The following FHIP1A variants were observed in gnomAD, a reference collection of about 807,000 sequenced individuals.
The protein encoded by FHIP1A is FHF complex subunit HOOK interacting protein 1A.
A neutral mutation model predicts 88.6 loss-of-function variants in FHIP1A; 61 were observed. The observed-to-expected ratio is 0.69, with a 90% CI of 0.56 to 0.85. FHIP1A has a LOEUF of 0.85. Among genes scored for constraint, FHIP1A ranks in the 40% least tolerant of loss-of-function variants. The pLI, the probability that FHIP1A is intolerant of heterozygous loss-of-function variation, is 0.00. For missense variants in FHIP1A, 1,154 were observed against 1,273.5 expected (o/e 0.91, Z 1.43); for synonymous variants, 478 against 496.0 (o/e 0.96, Z 0.48).
intron 3 of FHIP1A, among the ~76,000 whole-genome samples, chr4:151,493,909 G>A (rs962894522): frequency 2.6e-5 from 4 of 152,100 alleles, no homozygotes; most frequent in Admixed American, 6.5e-5. Context: ...CCTGAGGACC[G>A]GAACAAGACA....
intron 3 of FHIP1A, among the ~76,000 whole-genome samples, chr4:151,525,861 AG>A (rs1382086384): frequency 1.3e-5 from 2 of 151,844 alleles, no homozygotes; most frequent in Non-Finnish European, 2.9e-5. Context: ...CAGTTAAACA[AG>A]TGAACAAAGG....
chr4:151,480,579 T>C (rs1729857712), intron 2 of FHIP1A, among the ~76,000 whole-genome samples: 1 of 152,044 alleles, frequency 6.6e-6, no homozygotes, highest in Admixed American at 6.6e-5. Context: ...CTGTTACTTG[T>C]AAAACCCCTT....
At chr4:151,571,574 G>A (rs1003396852) in intron 4 of FHIP1A, among the ~76,000 whole-genome samples, 3 of 152,150 alleles carry the variant, frequency 2.0e-5, no homozygotes, top group Non-Finnish European at 2.9e-5. Context: ...AAAGTCTAGA[G>A]CATCCATGCA....
In FHIP1A at chr4:151,504,752, G is replaced by A. The variant is rs993434426; in HGVS notation, c.-123+22104G>A. On this transcript the variant is annotated intron_variant, in intron 3 of 13. Coordinates refer to ENST00000435205, the MANE Select transcript of FHIP1A (RefSeq NM_001109977.3). ...TTCACTTGCTTCAGCCTCCCAGATA[G>A]CTGGGATTACAGGCATGTGTCACCA... 6.6e-5 allele frequency among the ~76,000 whole-genome samples: 10 copies of A among 152,220 alleles called. No individual in the cohort carries two copies. In the East Asian group the frequency reaches 1.4e-3, roughly 21 times the overall value.
chr4:151,433,258 T>A (rs1229535547), intron 1 of FHIP1A, among the ~76,000 whole-genome samples: 2 of 151,068 alleles, frequency 1.3e-5, no homozygotes, highest in Admixed American at 6.7e-5. Flanking sequence ...TTGAGGAGGC[T>A]ACTGTGAAGG....
chr4:151,482,806 CTA>C (rs1352801907), intron 3 of FHIP1A, among the ~76,000 whole-genome samples, 158 bp downstream of exon 3: 1 of 151,956 alleles, frequency 6.6e-6, no homozygotes, highest in Non-Finnish European at 1.5e-5. Flanking sequence ...ACTCTATCCT[CTA>C]TGTGAAGCAT....
At chr4:151,425,354 GA>G (rs1276268269) in intron 1 of FHIP1A, among the ~76,000 whole-genome samples, 1 of 152,012 alleles carries the variant, frequency 6.6e-6, no homozygotes, top group Non-Finnish European at 1.5e-5. Context: ...GAGGGAAGAG[GA>G]ACTATTATTA....
intron 1 of FHIP1A, among the ~76,000 whole-genome samples, chr4:151,453,457 G>A (rs1339191451): frequency 6.6e-6 from 1 of 152,020 alleles, no homozygotes; most frequent in African/African-American, 2.4e-5. Context: ...TCTACAATAG[G>A]GATAATAATG....
chr4:151,656,575 G>C lies in FHIP1A; in HGVS notation c.2730+165G>C, dbSNP rs1175615719. On this transcript the variant is annotated intron_variant, in intron 12 of 13. Transcript: ENST00000435205. The surrounding 1 kb of genome is among the most constrained non-coding windows in gnomAD (Gnocchi z 4.2). ...CTGTGTAGTTTATTCTAGACAAACT[G>C]TAGAGCTTCATTTAGTTTGATGTTT... Among the ~76,000 whole-genome samples the C allele has an allele frequency of 6.6e-6, 1 of 152,164 alleles. No individual in the cohort carries two copies. Among genetic ancestry groups the C allele is most frequent in the Non-Finnish European group, 1.5e-5 (1 of 68,038 alleles).
At chr4:151,488,003 C>T (rs1261403946) in intron 3 of FHIP1A, among the ~76,000 whole-genome samples, 1 of 152,220 alleles carries the variant, frequency 6.6e-6, no homozygotes, top group Non-Finnish European at 1.5e-5. Flanking sequence ...CTTAAAACTA[C>T]ACTTCTGCTT....
chr4:151,512,482 C>T (rs1327651008), intron 3 of FHIP1A, among the ~76,000 whole-genome samples: 1 of 152,138 alleles, frequency 6.6e-6, no homozygotes, highest in Non-Finnish European at 1.5e-5. Context: ...GAGAAGAAGG[C>T]TTCAGATGAT....
chr4:151,414,823 T>C (rs1330567444), intron 1 of FHIP1A, among the ~76,000 whole-genome samples: 1 of 152,228 alleles, frequency 6.6e-6, no homozygotes, highest in Non-Finnish European at 1.5e-5. Flanking sequence ...TTTCCAATTA[T>C]ATCACTAACT....
intron 3 of FHIP1A, among the ~76,000 whole-genome samples, chr4:151,488,975 GA>G (rs1486868407): frequency 3.9e-5 from 6 of 152,186 alleles, no homozygotes; most frequent in Admixed American, 3.9e-4. Context: ...TAGACAGACA[GA>G]ACAGCATATG....
At chr4:151,435,243 A>G (rs1379931308) in intron 1 of FHIP1A, among the ~76,000 whole-genome samples, 1 of 152,134 alleles carries the variant, frequency 6.6e-6, no homozygotes, top group Admixed American at 6.5e-5. Context: ...TTTCCTACTC[A>G]TTAACCAACT....
In FHIP1A at chr4:151,492,700, A is replaced by G. The variant is rs905150661; in HGVS notation, c.-123+10052A>G. The stretch of plus-strand genomic sequence containing the variant: ...AACAGGAACCCTTAACACTATACAA[A>G]TACATGGAAATGAAATAATCTGCTG... On this transcript the variant is annotated intron_variant, in intron 3 of 13. Coordinates refer to ENST00000435205, the MANE Select transcript of FHIP1A (RefSeq NM_001109977.3). Among the ~76,000 whole-genome samples, 6 of 152,310 alleles carry G rather than the reference A, an allele frequency of 3.9e-5. No individual in the cohort carries two copies. The East Asian group carries it at 5.8e-4, about 15-fold the overall frequency.
intron 2 of FHIP1A, among the ~76,000 whole-genome samples, chr4:151,474,155 G>A (rs1463153064): frequency 6.6e-6 from 1 of 152,184 alleles, no homozygotes; most frequent in East Asian, 1.9e-4. Flanking sequence ...AAGTCTTTTT[G>A]TGGCTTTCCT....
chr4:151,625,212 G>A (rs1047137778), intron 7 of FHIP1A, among the ~76,000 whole-genome samples: 1 of 152,132 alleles, frequency 6.6e-6, no homozygotes, highest in African/African-American at 2.4e-5. Context: ...ACTCTGGTTG[G>A]ACCCACTGGG....
chr4:151,560,131 T>C (rs1733115144), intron 3 of FHIP1A, among the ~76,000 whole-genome samples: 1 of 152,198 alleles, frequency 6.6e-6, no homozygotes, highest in Admixed American at 6.5e-5. Flanking sequence ...TGGATGTATA[T>C]GGAATTTTAT....
intron 7 of FHIP1A, among the ~76,000 whole-genome samples, chr4:151,602,222 AAATAT>A (rs1298690290): frequency 6.6e-6 from 1 of 152,172 alleles, no homozygotes; most frequent in East Asian, 1.9e-4. Context: ...TATGAAAATC[AAATAT>A]AAGTGTGTTC....
Sources: gnomAD v4.1 joint callset for allele counts (sites outside exome capture counted in the v4.1 genomes callset) on GRCh38, gnomAD v4.1.1 for gene constraint, Gnocchi (gnomAD v3.1) non-coding constraint, MANE v1.5 for transcripts, NCBI Gene and HGNC (gene_info 2026-07-23, HGNC 2026-07-21) for gene names.